The following RPTOR variants were observed in gnomAD, a reference collection of about 807,000 sequenced individuals.
RPTOR encodes the protein regulatory-associated protein of mTOR.
In RPTOR, 21 loss-of-function variants were observed where a neutral mutation model predicts 169.9. That is an observed-to-expected ratio of 0.12 (90% confidence interval 0.09 to 0.18). The LOEUF is 0.18. Among genes scored for constraint, RPTOR ranks in the 10% least tolerant of loss-of-function variants. The pLI is 1.00. For synonymous variants in RPTOR, 732 were observed against 753.2 expected (o/e 0.97, Z 0.46); for missense variants, 1,133 against 1,855.9 (o/e 0.61, Z 7.16).
intron 1 of RPTOR, among the ~76,000 whole-genome samples, chr17:80,563,967 C>G (rs1056433665): frequency 1.3e-5 from 2 of 152,198 alleles, no homozygotes; most frequent in African/African-American, 4.8e-5. Context: ...TCATTCACCC[C>G]CTTGGACCGC....
chr17:80,608,498 G>GC (rs1356493516), intron 1 of RPTOR, among the ~76,000 whole-genome samples: 1 of 152,040 alleles, frequency 6.6e-6, no homozygotes, highest in Non-Finnish European at 1.5e-5. Flanking sequence ...GTCTTCTTTG[G>GC]CCCTCAAACA....
chr17:80,626,170 A>G (rs1194842090), intron 2 of RPTOR, among the ~76,000 whole-genome samples: 2 of 152,102 alleles, frequency 1.3e-5, no homozygotes, highest in Non-Finnish European at 2.9e-5. Flanking sequence ...CTCATGGCTC[A>G]GCCTCCTTAG....
intron 32 of RPTOR, 44 bp downstream of exon 32, chr17:80,962,621 C>T (rs759601340): frequency 4.5e-6 from 7 of 1,541,262 alleles, no homozygotes; most frequent in Middle Eastern, 1.7e-4. Flanking sequence ...TCACCCGCCT[C>T]GGGCCTCTGT....
At chr17:80,958,983 C>T (rs1052047184) in intron 29 of RPTOR, among the ~76,000 whole-genome samples, 3 of 152,242 alleles carry the variant, frequency 2.0e-5, no homozygotes, top group Non-Finnish European at 2.9e-5. Flanking sequence ...AGCCTCTCTC[C>T]CGGGCAGGCC....
chr17:80,943,143 C>T (rs1044933186), intron 25 of RPTOR, among the ~76,000 whole-genome samples: 3 of 152,242 alleles, frequency 2.0e-5, no homozygotes, highest in African/African-American at 4.8e-5. Context: ...GGCTTCAGCC[C>T]GCAGACTCCG....
rs112923476 is a variant in RPTOR at position 80,956,610 on chromosome 17, A to G, written c.3371-1014A>G. Among the ~76,000 whole-genome samples, 1,420 of 152,362 alleles carry G rather than the reference A, an allele frequency of 9.3e-3. 25 individuals are homozygous for G. The highest frequency in any genetic ancestry group is 0.033 in the African/African-American group (1,357 of 41,598). ...ATCTTCAAGCCTTAACAGCCTTCCTAAAGTCACCCAGACCTGCCAGTTCTG... is the reference window on the plus strand; with the variant it reads ...ATCTTCAAGCCTTAACAGCCTTCCTGAAGTCACCCAGACCTGCCAGTTCTG... On this transcript the variant is annotated intron_variant, in intron 28 of 33. Coordinates refer to ENST00000306801, the MANE Select transcript of RPTOR (RefSeq NM_020761.3).
intron 1 of RPTOR, among the ~76,000 whole-genome samples, chr17:80,579,286 C>T (rs1299289393): frequency 2.0e-5 from 3 of 152,090 alleles, no homozygotes; most frequent in East Asian, 1.9e-4. Flanking sequence ...CTCCGCCTCC[C>T]GGGTTCAAGC....
rs1046298474 is a variant in RPTOR, at chr17:80,883,461, G to A, written c.1627G>A (p.Val543Ile). ...GACGGCTTTCATTCTCGCCGTGATC[G>A]TCAACAGCTATCACACGGGGCAGGT... The part of the protein sequence containing the change: ...TMTAFILAVI[V>I]NSYHTGQEAC... Residue 543 changes from valine (V) to isoleucine (I), a missense_variant, in exon 15 of 34, where the codon GTC becomes ATC. Physicochemically the swap from Val to Ile is conservative, Grantham distance 29. Coordinates refer to ENST00000306801, the MANE Select transcript of RPTOR (RefSeq NM_020761.3). 5.6e-6 allele frequency: 9 copies of A among 1,614,016 alleles called. No individual in the cohort carries two copies. Among genetic ancestry groups the A allele is most frequent in the African/African-American group, 1.3e-5 (1 of 74,920 alleles).
intron 25 of RPTOR, chr17:80,941,732 G>C (rs903635543): frequency 6.6e-6 from 1 of 152,300 alleles, no homozygotes; most frequent in Non-Finnish European, 1.5e-5. Flanking sequence ...TTGATGACCC[G>C]TAGGACAGAT....
At chr17:80,743,186 C>T in intron 5 of RPTOR, 1 of 970,754 alleles carries the variant, frequency 1.0e-6, no homozygotes, top group Non-Finnish European at 1.2e-6. Context: ...GTCTTCCCGT[C>T]TCTCTCCTGA....
At chr17:80,547,475 A>G (rs1388764267) in intron 1 of RPTOR, among the ~76,000 whole-genome samples, 4 of 152,224 alleles carry the variant, frequency 2.6e-5, no homozygotes, top group Non-Finnish European at 5.9e-5. Context: ...ACATTCCCTA[A>G]TAAGCTTTTC....
At chr17:80,898,989 A>G (rs1239351995) in intron 20 of RPTOR, among the ~76,000 whole-genome samples, 1 of 151,958 alleles carries the variant, frequency 6.6e-6, no homozygotes, top group African/African-American at 2.4e-5. Context: ...TGCCTTGAGC[A>G]CCTCTGGATA....
intron 2 of RPTOR, among the ~76,000 whole-genome samples, chr17:80,630,752 G>A (rs1404875260): frequency 6.6e-6 from 1 of 152,222 alleles, no homozygotes; most frequent in African/African-American, 2.4e-5. Context: ...GCATTAGGGT[G>A]GGTACAGGCA....
intron 24 of RPTOR, among the ~76,000 whole-genome samples, chr17:80,937,812 A>T (rs1416018606): frequency 6.6e-6 from 1 of 152,218 alleles, no homozygotes; most frequent in African/African-American, 2.4e-5. Flanking sequence ...GGGTGCCCGC[A>T]TCTTCCACGG....
chr17:80,780,668 A>G (rs886158000), intron 6 of RPTOR, among the ~76,000 whole-genome samples: 3 of 152,056 alleles, frequency 2.0e-5, no homozygotes, highest in Non-Finnish European at 2.9e-5. Flanking sequence ...TATTTTACAT[A>G]TTAGGAATTT....
chr17:80,940,666 C>T, intron 25 of RPTOR, 65 bp downstream of exon 25: 1 of 1,365,432 alleles, frequency 7.3e-7, no homozygotes, highest in Non-Finnish European at 1.0e-6. Flanking sequence ...CGAGGGTCCC[C>T]TGTGAGCAGG....
intron 33 of RPTOR, 136 bp from the exon 34 acceptor site, chr17:80,964,126 G>A (rs1037827897): frequency 4.0e-5 from 30 of 742,446 alleles, no homozygotes; most frequent in African/African-American, 2.9e-4. Context: ...CGGCATTTCC[G>A]GGCCTGAGGT....
intron 6 of RPTOR, among the ~76,000 whole-genome samples, chr17:80,781,825 C>T (rs1346469878): frequency 1.3e-5 from 2 of 152,208 alleles, no homozygotes; most frequent in Admixed American, 6.5e-5. Context: ...CTTTTGTTTG[C>T]GTCTTTGGGT....
chr17:80,942,253 A>G (rs1206525858), intron 25 of RPTOR, among the ~76,000 whole-genome samples: 1 of 151,570 alleles, frequency 6.6e-6, no homozygotes, highest in Non-Finnish European at 1.5e-5. Context: ...GCTGCCTGAG[A>G]CAGGCTTGGG....
Sources: gnomAD v4.1 joint callset for allele counts (sites outside exome capture counted in the v4.1 genomes callset) on GRCh38, gnomAD v4.1.1 for gene constraint, MANE v1.5 for transcripts, NCBI Gene and HGNC (gene_info 2026-07-23, HGNC 2026-07-21) for gene names.